LPIN2: variants seen among roughly 807,000 people sequenced by gnomAD.
LPIN2 encodes phosphatidate phosphatase LPIN2.
LPIN2 carries 55 observed loss-of-function variants against 111.4 expected under a neutral mutation model. The observed-to-expected ratio is 0.49, with a 90% CI of 0.40 to 0.62. The LOEUF (loss-of-function observed/expected upper bound fraction) is 0.62, where lower values mean the gene tolerates loss of function less well. Ranked by LOEUF, LPIN2 falls within the 20% of genes least tolerant of loss-of-function variation. The pLI is 0.00. For missense variants in LPIN2, 992 were observed against 1,112.1 expected, an observed-to-expected ratio of 0.89 and a Z score of 1.54; for synonymous variants, 425 against 414.0, an observed-to-expected ratio of 1.03 and a Z score of -0.32.
At chr18:2,963,125 A>G (rs560375706) in intron 1 of LPIN2, among the ~76,000 whole-genome samples, 2 of 152,354 alleles carry the variant, frequency 1.3e-5, no homozygotes, top group African/African-American at 2.4e-5. Context: ...TGACATTTAT[A>G]TTGTGAAGGC....
rs1354794050 is a variant in LPIN2, at chr18:2,925,540, A to G, written c.1794-172T>C. On this transcript the variant is annotated intron_variant, in intron 13 of 19. Transcript: ENST00000677752. The surrounding 1 kb of genome is among the most constrained non-coding windows in gnomAD (Gnocchi z 4.1). ...AGCTCTGTACGCCTGAAATATTCAT[A>G]TTGTTAACTGATAAGGCCACTTTCA... Among the ~76,000 whole-genome samples, 1 of 152,156 alleles carries G rather than the reference A, an allele frequency of 6.6e-6. No individual in the cohort carries two copies. The highest frequency in any genetic ancestry group is 1.5e-5 in the Non-Finnish European group (1 of 68,020).
intron 4 of LPIN2, chr18:2,950,508 G>C (rs2077518828): frequency 6.4e-6 from 1 of 156,938 alleles, no homozygotes; most frequent in African/African-American, 2.4e-5. Context: ...TCTTGAATAA[G>C]AAAACGTGTT....
At chr18:2,973,182 T>C (rs1313688109) in intron 1 of LPIN2, among the ~76,000 whole-genome samples, 1 of 152,012 alleles carries the variant, frequency 6.6e-6, no homozygotes, top group Non-Finnish European at 1.5e-5. Flanking sequence ...CTATTCAAAA[T>C]AGATTTTTCT....
At chr18:3,008,328 G>C (rs879705519) in intron 1 of LPIN2, among the ~76,000 whole-genome samples, 3 of 152,220 alleles carry the variant, frequency 2.0e-5, no homozygotes, top group Non-Finnish European at 4.4e-5. Context: ...TGTGGTCCCA[G>C]CTACTCGGGA....
intron 16 of LPIN2, among the ~76,000 whole-genome samples, chr18:2,922,676 T>G (rs2077072619): frequency 6.6e-6 from 1 of 152,214 alleles, no homozygotes; most frequent in African/African-American, 2.4e-5. Context: ...TATAGAGGTT[T>G]CACCTTCCAT....
At chr18:2,950,740 T>C in intron 4 of LPIN2, 1 of 387,274 alleles carries the variant, frequency 2.6e-6, no homozygotes, top group Non-Finnish European at 4.8e-6. Flanking sequence ...GATGACATGG[T>C]GTCCAACTGG....
intron 1 of LPIN2, among the ~76,000 whole-genome samples, chr18:2,966,352 CAACTA>C (rs955043778): frequency 6.6e-6 from 1 of 152,204 alleles, no homozygotes; most frequent in African/African-American, 2.4e-5. Context: ...AACGAACACA[CAACTA>C]AACTTGTTAC....
In LPIN2 at chr18:2,939,620, G is replaced by A. The variant is rs755025128; in HGVS notation, c.699-17C>T. ...GGATAGGTGCTGCAAAGAGAACAAA[G>A]ACACACGATGACTTGAAAGTCGGGA... is the stretch of plus-strand genomic sequence containing the variant. On this transcript the variant is annotated splice_polypyrimidine_tract_variant and intron_variant, in intron 5 of 19. Coordinates refer to ENST00000677752, the MANE Select transcript of LPIN2 (RefSeq NM_001375808.2). 4 of 1,611,484 alleles carry A rather than the reference G, an allele frequency of 2.5e-6. No individual in the cohort carries two copies. Among genetic ancestry groups the A allele is most frequent in the South Asian group, 1.1e-5 (1 of 90,988 alleles).
At chr18:2,936,622 C>T (rs1320972559) in intron 7 of LPIN2, among the ~76,000 whole-genome samples, 1 of 152,148 alleles carries the variant, frequency 6.6e-6, no homozygotes, top group Non-Finnish European at 1.5e-5. Context: ...ACTCTATCAC[C>T]CAGGCTGGAA....
chr18:2,949,050 G>A (rs1308055579), intron 4 of LPIN2, among the ~76,000 whole-genome samples: 5 of 152,068 alleles, frequency 3.3e-5, no homozygotes, highest in East Asian at 1.9e-4. Flanking sequence ...TGATCCTCCC[G>A]CCTTGGCCTC....
intron 1 of LPIN2, among the ~76,000 whole-genome samples, chr18:2,971,813 C>T (rs1280367690): frequency 6.6e-5 from 10 of 150,880 alleles, no homozygotes; most frequent in African/African-American, 1.7e-4. Context: ...TTTGGGAGGC[C>T]GAGGCGGGGG....
At chr18:3,006,834 C>T (rs145555642) in intron 1 of LPIN2, among the ~76,000 whole-genome samples, 6,420 of 145,946 alleles carry the variant, frequency 0.044, 445 homozygotes, top group African/African-American at 0.15. Context: ...GAGACTCTGT[C>T]TCAAAAAAAA....
At chr18:2,992,089 C>A (rs567678313) in intron 1 of LPIN2, among the ~76,000 whole-genome samples, 1 of 151,912 alleles carries the variant, frequency 6.6e-6, no homozygotes, top group African/African-American at 2.4e-5. Context: ...CAGGTACATA[C>A]ACAAAAGAAC....
In LPIN2 at chr18:2,949,541, C is replaced by A. The variant is rs185074492; in HGVS notation, c.590+1514G>T. Among the ~76,000 whole-genome samples the A allele has an allele frequency of 4.6e-5, 7 of 151,994 alleles. No homozygotes were observed. The East Asian group carries it at 1.4e-3, about 29-fold the overall frequency. ...TGAAATCAAAGTGTTACATATTCAG[C>A]GTGGGAGGAGTAAGACAGAACACCA... is the stretch of plus-strand genomic sequence containing the variant. On this transcript the variant is annotated intron_variant, in intron 4 of 19. Coordinates refer to ENST00000677752, the MANE Select transcript of LPIN2 (RefSeq NM_001375808.2).
In LPIN2 at chr18:2,950,903, A is replaced by C. The variant is rs973017821; in HGVS notation, c.590+152T>G. ...ATAGAATAGTTGAAAGGAACAAAGAAACTGCCTTTGCTGCTTGATTCCACA... is the reference window on the plus strand; with the variant it reads ...ATAGAATAGTTGAAAGGAACAAAGACACTGCCTTTGCTGCTTGATTCCACA... On this transcript the variant is annotated intron_variant, in intron 4 of 19. Transcript: ENST00000677752. The C allele has an allele frequency of 6.5e-6, 5 of 768,444 alleles. No homozygotes were observed. The African/African-American group carries it at 8.6e-5, about 13-fold the overall frequency. The allele number at this position is 768,444 out of a possible 1,614,324, so 47.6% of individuals were successfully genotyped here. A position where few individuals can be genotyped will look rare whatever the true frequency, so the allele number is the denominator to read the frequency against.
At chr18:2,988,236 G>A (rs2078215719) in intron 1 of LPIN2, among the ~76,000 whole-genome samples, 1 of 151,974 alleles carries the variant, frequency 6.6e-6, no homozygotes, top group Non-Finnish European at 1.5e-5. Context: ...TTCCCCATCA[G>A]AATGTACAAC....
At position 2,921,945 on chromosome 18, in the gene LPIN2, G is replaced by A. The variant is rs1463446810; in HGVS notation, c.2327+102C>T. On this transcript the variant is annotated intron_variant, in intron 17 of 19. Coordinates refer to ENST00000677752, the MANE Select transcript of LPIN2 (RefSeq NM_001375808.2). ...CCAAAGAACTGGGAGAGGCGTGGCG[G>A]CTCCAACATCTGACTTCTGTTCCCA... 7 of 1,435,562 alleles carry A rather than the reference G, an allele frequency of 4.9e-6. No homozygotes were observed. In the East Asian group the frequency reaches 9.9e-5, roughly 20 times the overall value. 88.9% of individuals were successfully genotyped at this position (1,435,562 alleles called of 1,614,324 possible). A position where few individuals can be genotyped will look rare whatever the true frequency, so the allele number is the denominator to read the frequency against.
chr18:2,943,458 G>GTGTGTGTGTGTT (rs55747910), intron 4 of LPIN2, among the ~76,000 whole-genome samples: 21 of 146,198 alleles, frequency 1.4e-4, no homozygotes, highest in East Asian at 3.9e-4. Context: ...GTGTGTGTGT[G>GTGTGTGTGTGTT]TATAAATCAA....
In LPIN2 at chr18:2,937,759, T is replaced by C; in HGVS notation, c.1101A>G (p.Ala367=). ...ATTCTGAGGGCGCCTCCGCTAAGGCTGCGTTGGGAAGGTGGTCAGCATCTA... is the reference window on the plus strand; with the variant it reads ...ATTCTGAGGGCGCCTCCGCTAAGGCCGCGTTGGGAAGGTGGTCAGCATCTA... ...SMLDADHLPN[A]ALAEAPSESK... Residue 367 remains alanine (A), a synonymous_variant, in exon 7 of 20, where the codon GCA becomes GCG. Coordinates refer to ENST00000677752, the MANE Select transcript of LPIN2 (RefSeq NM_001375808.2). 1 of 1,614,074 alleles carries C rather than the reference T, an allele frequency of 6.2e-7. No individual in the cohort carries two copies. The highest frequency in any genetic ancestry group is 8.5e-7 in the Non-Finnish European group (1 of 1,180,020).
Sources: allele counts gnomAD v4.1 joint callset (sites outside exome capture counted in the v4.1 genomes callset), GRCh38; gene constraint gnomAD v4.1.1; non-coding constraint Gnocchi (gnomAD v3.1); transcripts MANE v1.5; gene names NCBI Gene and HGNC (gene_info 2026-07-23, HGNC 2026-07-21).